Variants in CEP83 observed in about 807,000 individuals in gnomAD.
CEP83 encodes centrosomal protein 83.
Under a neutral mutation model 101.9 loss-of-function variants are expected in CEP83, and 70 were observed. The ratio of observed to expected loss-of-function variants is 0.69; its 90% CI spans 0.57 to 0.84. The LOEUF (loss-of-function observed/expected upper bound fraction) is 0.84. CEP83 is among the 40% of genes least tolerant of loss of function. The pLI, the probability that CEP83 is intolerant of heterozygous loss-of-function variation, is 0.00. For missense variants in CEP83, 715 were observed against 787.2 expected (o/e 0.91, Z 1.10); for synonymous variants, 264 against 267.9 (o/e 0.99, Z 0.14).
chr12:94,335,586 T>C lies in CEP83; in HGVS notation c.1419+3A>G. On this transcript the variant is annotated splice_donor_region_variant and intron_variant, in intron 12 of 16. Coordinates refer to ENST00000397809, the MANE Select transcript of CEP83 (RefSeq NM_016122.3). ...AAAAGGAAAATCTTCGCTAAAATCA[T>C]ACCTGTTTTAGGTCAGAATTTTCAT... is the stretch of plus-strand genomic sequence containing the variant. 1 of 1,531,308 alleles carries C rather than the reference T, an allele frequency of 6.5e-7. No individual in the cohort carries two copies. Among genetic ancestry groups the C allele is most frequent in the Non-Finnish European group, 8.9e-7 (1 of 1,119,696 alleles). 94.9% of individuals were successfully genotyped at this position (1,531,308 alleles called of 1,614,324 possible).
chr12:94,390,298 TTCTGTGACG>T (rs896270918), intron 6 of CEP83, among the ~76,000 whole-genome samples: 14 of 152,282 alleles, frequency 9.2e-5, no homozygotes, highest in African/African-American at 3.4e-4. Context: ...ACATTTGCTG[TTCTGTGACG>T]TCTGCTGGTG....
chr12:94,417,468 T>C (rs752136514), intron 2 of CEP83, among the ~76,000 whole-genome samples: 3 of 152,086 alleles, frequency 2.0e-5, no homozygotes, highest in Non-Finnish European at 2.9e-5. Flanking sequence ...AATATTATAA[T>C]ATCCCAAATG....
chr12:94,413,962 C>T (rs576042560), intron 2 of CEP83, among the ~76,000 whole-genome samples: 3 of 151,788 alleles, frequency 2.0e-5, no homozygotes, highest in African/African-American at 2.4e-5. Flanking sequence ...CTATGCAAAC[C>T]GACCATTAAA....
the CEP83 span, among the ~76,000 whole-genome samples, chr12:94,292,530 G>A: frequency 1.3e-5 from 2 of 152,122 alleles, no homozygotes; most frequent in Admixed American, 1.3e-4. Context: ...AATGTCACAG[G>A]TTGAATATCC....
the CEP83 span, among the ~76,000 whole-genome samples, chr12:94,298,385 T>G: frequency 1.3e-5 from 2 of 152,234 alleles, no homozygotes; most frequent in Non-Finnish European, 2.9e-5. Context: ...ATCCTCCCAG[T>G]TGACTAAACA....
intron 6 of CEP83, among the ~76,000 whole-genome samples, chr12:94,392,859 T>G (rs2137420357): frequency 6.6e-6 from 1 of 152,196 alleles, no homozygotes; most frequent in East Asian, 1.9e-4. Context: ...TCTATGCAAA[T>G]AAACTGCAAA....
chr12:94,411,288 G>A (rs1263688075), intron 4 of CEP83, among the ~76,000 whole-genome samples: 3 of 152,010 alleles, frequency 2.0e-5, no homozygotes, highest in Non-Finnish European at 4.4e-5. Flanking sequence ...TTCACATACT[G>A]TTTTTACAGT....
chr12:94,350,460 T>C (rs1311828047), intron 11 of CEP83, among the ~76,000 whole-genome samples: 1 of 152,184 alleles, frequency 6.6e-6, no homozygotes, highest in Admixed American at 6.5e-5. Context: ...CTTGGACCTC[T>C]CTTTATATAG....
At chr12:94,445,922 A>G (rs895217751) in intron 1 of CEP83, among the ~76,000 whole-genome samples, 4 of 152,262 alleles carry the variant, frequency 2.6e-5, no homozygotes, top group Non-Finnish European at 5.9e-5. Flanking sequence ...ACCCTAGAGC[A>G]GGCTGGAAAA....
chr12:94,383,473 C>T (rs1394497280), intron 6 of CEP83, among the ~76,000 whole-genome samples: 1 of 151,918 alleles, frequency 6.6e-6, no homozygotes, highest in African/African-American at 2.4e-5. Context: ...ATAAGGAGCA[C>T]CCTGACTTAC....
chr12:94,313,178 C>A, intron 14 of CEP83, 161 bp from the exon 15 acceptor site: 1 of 397,810 alleles, frequency 2.5e-6, no homozygotes. Context: ...CTGAAAATTG[C>A]AAAGATAATA....
At chr12:94,379,095 C>G in intron 6 of CEP83, 53 bp from the exon 7 acceptor site, 1 of 1,396,442 alleles carries the variant, frequency 7.2e-7, no homozygotes, top group South Asian at 1.3e-5. Context: ...AATTTTCAGT[C>G]ATGAACATGC....
At chr12:94,381,230 C>T (rs1566039225) in intron 6 of CEP83, among the ~76,000 whole-genome samples, 3 of 152,234 alleles carry the variant, frequency 2.0e-5, no homozygotes, top group Middle Eastern at 3.4e-3. Flanking sequence ...TTTCTTTTTC[C>T]GCCATTCTCA....
chr12:94,395,125 A>C (rs1303595832), intron 6 of CEP83, among the ~76,000 whole-genome samples: 1 of 152,116 alleles, frequency 6.6e-6, no homozygotes, highest in Admixed American at 6.6e-5. Context: ...TATTGGGTAC[A>C]TACCCAAAGG....
chr12:94,382,304 CTT>C (rs2061895627), intron 6 of CEP83, among the ~76,000 whole-genome samples: 2 of 151,666 alleles, frequency 1.3e-5, no homozygotes, highest in Admixed American at 6.6e-5. Flanking sequence ...AGAACCAGCT[CTT>C]TGTTTCACTG....
intron 2 of CEP83, 63 bp from the exon 3 acceptor site, chr12:94,412,654 GT>G (rs2063959520): frequency 2.4e-6 from 1 of 423,186 alleles, no homozygotes; most frequent in African/African-American, 2.2e-5. Context: ...CTCCTTTAAT[GT>G]TACATATTTT....
At chr12:94,326,296 TAAACTGG>T (rs2058972829) in intron 14 of CEP83, among the ~76,000 whole-genome samples, 1 of 152,140 alleles carries the variant, frequency 6.6e-6, no homozygotes, top group Non-Finnish European at 1.5e-5. Flanking sequence ...TCCTTTACAA[TAAACTGG>T]TAAATATAGT....
intron 2 of CEP83, among the ~76,000 whole-genome samples, chr12:94,429,735 A>T (rs979970402): frequency 8.5e-5 from 13 of 152,124 alleles, no homozygotes; most frequent in African/African-American, 2.7e-4. Flanking sequence ...GCAAAGCATG[A>T]GCTTCCACTG....
chr12:94,397,532 C>T (rs1326135095), intron 6 of CEP83, among the ~76,000 whole-genome samples: 1 of 152,028 alleles, frequency 6.6e-6, no homozygotes, highest in Non-Finnish European at 1.5e-5. Context: ...AAATTAATGA[C>T]TATACCAACC....
Sources: allele counts gnomAD v4.1 joint callset (sites outside exome capture counted in the v4.1 genomes callset), GRCh38; gene constraint gnomAD v4.1.1; transcripts MANE v1.5; gene names NCBI Gene and HGNC (gene_info 2026-07-23, HGNC 2026-07-21).